Variants in BMPER observed in about 807,000 individuals in gnomAD.
BMPER encodes the protein BMP binding endothelial regulator.
In BMPER, 45 loss-of-function variants were observed where a neutral mutation model predicts 87.3. The ratio of observed to expected loss-of-function variants is 0.52; its 90% CI spans 0.41 to 0.66. The LOEUF (loss-of-function observed/expected upper bound fraction) is 0.66. Ranked by LOEUF, BMPER falls within the 30% of genes least tolerant of loss-of-function variation. The probability of loss-of-function intolerance (pLI) is 0.00; values close to 1 mark genes in which losing one functional copy is unlikely to be tolerated. For missense variants in BMPER, 784 were observed against 867.5 expected, an observed-to-expected ratio of 0.90 and a Z score of 1.21; for synonymous variants, 326 against 316.2, an observed-to-expected ratio of 1.03 and a Z score of -0.33.
intron 3 of BMPER, among the ~76,000 whole-genome samples, chr7:33,948,982 G>T (rs1444861753): frequency 6.6e-6 from 1 of 152,058 alleles, no homozygotes; most frequent in Non-Finnish European, 1.5e-5. Context: ...TCTTCACCCG[G>T]GCACAGCCCC....
chr7:34,100,486 C>T (rs543185488), intron 13 of BMPER, among the ~76,000 whole-genome samples: 39 of 152,288 alleles, frequency 2.6e-4, no homozygotes, highest in Non-Finnish European at 4.0e-4. Context: ...AAAGTGCCGA[C>T]GCAGCCAACC....
intron 6 of BMPER, among the ~76,000 whole-genome samples, chr7:33,997,047 G>T (rs1786434383): frequency 6.6e-6 from 1 of 152,036 alleles, no homozygotes; most frequent in Non-Finnish European, 1.5e-5. Flanking sequence ...TGCTCAACAG[G>T]ACCCTCCCTC....
intron 2 of BMPER, among the ~76,000 whole-genome samples, chr7:33,919,296 T>A (rs1784160587): frequency 6.6e-6 from 1 of 152,230 alleles, no homozygotes; most frequent in African/African-American, 2.4e-5. Flanking sequence ...TTTAGACTTT[T>A]TCAAGGGAGA....
intron 13 of BMPER, among the ~76,000 whole-genome samples, chr7:34,091,197 A>G (rs1789370471): frequency 2.0e-5 from 3 of 152,176 alleles, no homozygotes; most frequent in African/African-American, 7.2e-5. Flanking sequence ...GAAACTGATC[A>G]CTTATTATAA....
chr7:34,129,909 A>G (rs1218101412), intron 13 of BMPER, among the ~76,000 whole-genome samples: 1 of 152,072 alleles, frequency 6.6e-6, no homozygotes, highest in East Asian at 1.9e-4. Flanking sequence ...CCTTCCTCCA[A>G]CTGCTGATCT....
At chr7:33,926,677 GAA>G (rs1207648197) in intron 2 of BMPER, among the ~76,000 whole-genome samples, 1 of 152,224 alleles carries the variant, frequency 6.6e-6, no homozygotes, top group East Asian at 1.9e-4. Flanking sequence ...TGATCCTTGG[GAA>G]AGCTTTGGTG....
At chr7:33,917,786 T>C (rs1223491287) in intron 2 of BMPER, among the ~76,000 whole-genome samples, 1 of 152,214 alleles carries the variant, frequency 6.6e-6, no homozygotes, top group Non-Finnish European at 1.5e-5. Context: ...TGATTTTTCA[T>C]GGCTGCTAAT....
At chr7:33,978,652 G>A (rs1037179435) in intron 6 of BMPER, among the ~76,000 whole-genome samples, 4 of 152,238 alleles carry the variant, frequency 2.6e-5, no homozygotes, top group East Asian at 3.9e-4. Context: ...ACACAAAAAC[G>A]GATACTTCTC....
Position 34,153,180 on chromosome 7 carries a change from C to A in BMPER, c.1965C>A (p.Cys655Ter). The A allele has an allele frequency of 1.2e-6, 2 of 1,613,976 alleles. No homozygotes were observed. Among genetic ancestry groups the A allele is most frequent in the Middle Eastern group, 1.6e-4 (1 of 6,062 alleles). The change falls in exon 15 of 15, where the codon TGC becomes TGA. Residue 655 changes from cysteine (C) to a stop codon, truncating the protein, a stop_gained. Transcript: ENST00000649409. LOFTEE classifies it high-confidence loss of function. The stretch of plus-strand genomic sequence containing the variant: ...ACAACTGGAATGAAATTGGTCCATG[C>A]AACAAGCCGTGCGTTGCTGGGTGCC... ...TCDNWNEIGP[C>*]NKPCVAGCHC...
chr7:33,914,761 T>G (rs567866381), intron 2 of BMPER, among the ~76,000 whole-genome samples: 3 of 152,094 alleles, frequency 2.0e-5, no homozygotes, highest in African/African-American at 4.8e-5. Flanking sequence ...AAGAGAAGGA[T>G]AGAAAAGGAG....
intron 6 of BMPER, among the ~76,000 whole-genome samples, chr7:34,000,426 G>C (rs1446264355): frequency 1.3e-5 from 2 of 151,982 alleles, no homozygotes; most frequent in Non-Finnish European, 2.9e-5. Flanking sequence ...TTAGATGATA[G>C]TACTATATTA....
intron 13 of BMPER, among the ~76,000 whole-genome samples, chr7:34,116,403 C>T (rs1348751216): frequency 6.6e-6 from 1 of 152,040 alleles, no homozygotes; most frequent in African/African-American, 2.4e-5. Flanking sequence ...GACTCATTCC[C>T]ATATTTACAG....
At chr7:33,953,986 T>C (rs1377160639) in intron 3 of BMPER, among the ~76,000 whole-genome samples, 2 of 152,238 alleles carry the variant, frequency 1.3e-5, no homozygotes, top group Admixed American at 1.3e-4. Context: ...ATTTTATTCC[T>C]TAAAAGGCTA....
chr7:34,129,680 G>GAAAGAAAGAAAGAAAGAA (rs1313374728), intron 13 of BMPER, among the ~76,000 whole-genome samples: 82 of 151,286 alleles, frequency 5.4e-4, no homozygotes, highest in African/African-American at 1.9e-3. Flanking sequence ...AAGAAAGAAA[G>GAAAGAAAGAAAGAAAGAA]AAAACCTGCC....
In BMPER at chr7:34,153,025, A is replaced by C. The variant is rs184776004; in HGVS notation, c.1877-67A>C. 42 of 1,580,864 alleles carry C rather than the reference A, an allele frequency of 2.7e-5. No individual in the cohort carries two copies. In the African/African-American group the frequency reaches 3.9e-4, roughly 15 times the overall value. On this transcript the variant is annotated intron_variant, in intron 14 of 14. Coordinates refer to ENST00000649409, the MANE Select transcript of BMPER (RefSeq NM_001365308.1). ...AGTGTCATGAGCCTGCAAGAACGGC[A>C]TCTGGCTGAGGGTGAATTAATGGGG...
chr7:34,050,937 A>G (rs2127960032), intron 7 of BMPER, among the ~76,000 whole-genome samples: 1 of 152,270 alleles, frequency 6.6e-6, no homozygotes, highest in East Asian at 1.9e-4. Context: ...TTATTCCTTT[A>G]TGTAATTTCA....
At chr7:34,108,329 T>C (rs1789877087) in intron 13 of BMPER, among the ~76,000 whole-genome samples, 1 of 152,208 alleles carries the variant, frequency 6.6e-6, no homozygotes, top group Non-Finnish European at 1.5e-5. Flanking sequence ...TAACCTTAGA[T>C]AAGCTAAGGA....
intron 2 of BMPER, among the ~76,000 whole-genome samples, chr7:33,908,766 CA>C (rs1783882412): frequency 6.6e-6 from 1 of 152,202 alleles, no homozygotes; most frequent in South Asian, 2.1e-4. Flanking sequence ...TCACCCATTA[CA>C]GAGCTCTTTC....
chr7:34,025,343 TTCAA>T (rs150739987), intron 6 of BMPER, among the ~76,000 whole-genome samples: 2,007 of 152,070 alleles, frequency 0.013, 53 homozygotes, highest in African/African-American at 0.046. Flanking sequence ...CAAGTTGAAG[TTCAA>T]TCAAGCACAG....
Sources: gnomAD v4.1 joint callset for allele counts (sites outside exome capture counted in the v4.1 genomes callset) on GRCh38, gnomAD v4.1.1 for gene constraint, MANE v1.5 for transcripts, NCBI Gene and HGNC (gene_info 2026-07-23, HGNC 2026-07-21) for gene names.